Variants in NEGR1 observed in about 807,000 individuals in gnomAD.
The protein encoded by NEGR1 is neuronal growth regulator 1.
Under a neutral mutation model 40.9 loss-of-function variants are expected in NEGR1, and 10 were observed. The ratio of observed to expected loss-of-function variants is 0.24; its 90% CI spans 0.15 to 0.42. The LOEUF is 0.42. Ranked by LOEUF, NEGR1 falls within the 10% of genes least tolerant of loss-of-function variation. The pLI is 1.00. For missense variants in NEGR1, 352 were observed against 438.9 expected, an observed-to-expected ratio of 0.80 and a Z score of 1.77; for synonymous variants, 185 against 166.8, an observed-to-expected ratio of 1.11 and a Z score of -0.84.
intron 4 of NEGR1, among the ~76,000 whole-genome samples, chr1:71,672,721 AT>A (rs1481929105): frequency 3.3e-5 from 5 of 152,230 alleles, no homozygotes; most frequent in Non-Finnish European, 2.9e-5. Context: ...CTTAAAAAAA[AT>A]AAAAAACCCA....
intron 1 of NEGR1, among the ~76,000 whole-genome samples, chr1:72,080,101 C>T (rs907485896): frequency 2.2e-4 from 33 of 152,028 alleles, no homozygotes; most frequent in Admixed American, 1.2e-3. Context: ...GTGCAATCCC[C>T]ATGATGTTCA....
chr1:72,135,015 G>A (rs1028518611), intron 1 of NEGR1, among the ~76,000 whole-genome samples: 1 of 151,232 alleles, frequency 6.6e-6, no homozygotes, highest in African/African-American at 2.4e-5. Flanking sequence ...GGGATTACAG[G>A]CGTGAGCCAC....
At position 71,649,115 on chromosome 1, in the gene NEGR1, C is replaced by A. The variant is rs528285697; in HGVS notation, c.668-37969G>T. Among the ~76,000 whole-genome samples the A allele has an allele frequency of 2.0e-5, 3 of 152,106 alleles. No individual in the cohort carries two copies. In the East Asian group the frequency reaches 5.8e-4, roughly 29 times the overall value. On this transcript the variant is annotated intron_variant, in intron 4 of 6. Transcript: ENST00000357731. ...GCATGTGTAAAAATGTCCAGTTTTA[C>A]TTTTAATAAAAGTAATGCCAATTAC...
intron 1 of NEGR1, among the ~76,000 whole-genome samples, chr1:72,113,528 G>GTA: frequency 6.6e-6 from 1 of 151,798 alleles, no homozygotes; most frequent in East Asian, 1.9e-4. Flanking sequence ...GTGTTTGTGT[G>GTA]TATGTGTGTG....
At chr1:72,153,559 T>C (rs1356365913) in intron 1 of NEGR1, among the ~76,000 whole-genome samples, 9 of 151,982 alleles carry the variant, frequency 5.9e-5, no homozygotes, top group Admixed American at 3.9e-4. Context: ...GAACTGAAAG[T>C]CAGAATTTAG....
chr1:71,926,747 G>A (rs1218334595), intron 2 of NEGR1, among the ~76,000 whole-genome samples: 2 of 151,482 alleles, frequency 1.3e-5, no homozygotes, highest in African/African-American at 4.8e-5. Flanking sequence ...AATTCCCTTT[G>A]TGTAGAGTAA....
chr1:72,196,046 T>A (rs974747368), intron 1 of NEGR1, among the ~76,000 whole-genome samples: 6 of 151,976 alleles, frequency 3.9e-5, no homozygotes, highest in East Asian at 1.9e-4. Flanking sequence ...CTATGCACAA[T>A]CTTTAAAAAA....
chr1:72,035,209 A>ACCT (rs1261548841), intron 1 of NEGR1, among the ~76,000 whole-genome samples: 1 of 151,858 alleles, frequency 6.6e-6, no homozygotes, highest in Non-Finnish European at 1.5e-5. Context: ...CAAACCGGAG[A>ACCT]CCCTCTCTCG....
chr1:71,756,461 A>G (rs1655746997), intron 3 of NEGR1, among the ~76,000 whole-genome samples: 1 of 151,966 alleles, frequency 6.6e-6, no homozygotes, highest in Admixed American at 6.6e-5. Context: ...TGAGTTAAAC[A>G]GCGAGGGTTG....
intron 6 of NEGR1, among the ~76,000 whole-genome samples, chr1:71,582,760 C>A (rs552646703): frequency 6.6e-6 from 1 of 152,320 alleles, no homozygotes; most frequent in Non-Finnish European, 1.5e-5. Flanking sequence ...ATTTCAAGCA[C>A]AAGCAAGTTG....
rs150769522 is a variant in NEGR1 at position 72,256,427 on chromosome 1, A to G, written c.176+25892T>C. Among the ~76,000 whole-genome samples the G allele has an allele frequency of 5.1e-3, 775 of 152,350 alleles. 5 individuals carry two copies. The highest frequency in any genetic ancestry group is 0.018 in the African/African-American group (740 of 41,580). ...TCCTCTACCCAACTCTCAACAGAAG[A>G]AAACAAGATTGTGCTTTTTGTTTAT... On this transcript the variant is annotated intron_variant, in intron 1 of 6. Coordinates refer to ENST00000357731, the MANE Select transcript of NEGR1 (RefSeq NM_173808.3).
chr1:72,161,927 A>C (rs1356161171), intron 1 of NEGR1, among the ~76,000 whole-genome samples: 2 of 151,508 alleles, frequency 1.3e-5, no homozygotes, highest in Non-Finnish European at 2.9e-5. Flanking sequence ...ACTGACCTCA[A>C]GTGATCCACT....
At chr1:71,814,660 A>G (rs764648463) in intron 2 of NEGR1, among the ~76,000 whole-genome samples, 1 of 151,974 alleles carries the variant, frequency 6.6e-6, no homozygotes, top group Non-Finnish European at 1.5e-5. Context: ...GTATCCAGCA[A>G]TTTATCCATT....
intron 5 of NEGR1, among the ~76,000 whole-genome samples, chr1:71,601,565 C>T (rs773642229): frequency 1.7e-4 from 26 of 152,280 alleles, no homozygotes; most frequent in Non-Finnish European, 2.9e-4. Context: ...CCTGAGCATC[C>T]GTCAATGGTT....
intron 4 of NEGR1, among the ~76,000 whole-genome samples, chr1:71,650,672 A>G (rs1256641694): frequency 6.6e-6 from 1 of 152,116 alleles, no homozygotes; most frequent in African/African-American, 2.4e-5. Context: ...CTATCCATAA[A>G]GCTTTATTCT....
At chr1:71,947,930 G>A (rs1646036110) in intron 1 of NEGR1, among the ~76,000 whole-genome samples, 1 of 152,136 alleles carries the variant, frequency 6.6e-6, no homozygotes, top group African/African-American at 2.4e-5. Flanking sequence ...CAACATATTT[G>A]AGTAGTATTT....
At chr1:71,763,285 C>T (rs550228979) in intron 3 of NEGR1, among the ~76,000 whole-genome samples, 32 of 152,112 alleles carry the variant, frequency 2.1e-4, no homozygotes, top group African/African-American at 6.0e-4. Flanking sequence ...TTTATGCCAC[C>T]GCTTGTGTGG....
intron 2 of NEGR1, among the ~76,000 whole-genome samples, chr1:71,845,250 G>T (rs1281127459): frequency 6.6e-6 from 1 of 152,034 alleles, no homozygotes; most frequent in South Asian, 2.1e-4. Context: ...TATCTACACA[G>T]AATATATTTC....
chr1:71,418,616 C>T (rs1646372666), intron 6 of NEGR1, among the ~76,000 whole-genome samples: 1 of 152,066 alleles, frequency 6.6e-6, no homozygotes, highest in Non-Finnish European at 1.5e-5. Context: ...CCAATTCTCC[C>T]TCCTCTATCT....
Sources: gnomAD v4.1 joint callset for allele counts (sites outside exome capture counted in the v4.1 genomes callset) on GRCh38, gnomAD v4.1.1 for gene constraint, MANE v1.5 for transcripts, NCBI Gene and HGNC (gene_info 2026-07-23, HGNC 2026-07-21) for gene names.